NDFIP2: variants seen among roughly 807,000 people sequenced by gnomAD.
The protein encoded by NDFIP2 is NEDD4 family-interacting protein 2.
In NDFIP2, 19 loss-of-function variants were observed where a neutral mutation model predicts 36.0. The ratio of observed to expected loss-of-function variants is 0.53; its 90% CI spans 0.37 to 0.77. The LOEUF (loss-of-function observed/expected upper bound fraction) is 0.77, where lower values mean the gene tolerates loss of function less well. NDFIP2 is among the 30% of genes least tolerant of loss of function. The probability of loss-of-function intolerance (pLI) is 0.00; values close to 1 mark genes in which losing one functional copy is unlikely to be tolerated. For synonymous variants in NDFIP2, 181 were observed against 167.7 expected (o/e 1.08, Z -0.61); for missense variants, 446 against 435.8 (o/e 1.02, Z -0.21).
chr13:79,507,279 T>C (rs200893486), intron 1 of NDFIP2, among the ~76,000 whole-genome samples: 221 of 17,830 alleles, frequency 0.012, 10 homozygotes, highest in African/African-American at 0.034. Flanking sequence ...TTTTTTTTTT[T>C]TTTTTTTTTT....
Position 79,520,861 on chromosome 13 carries a change from A to C in NDFIP2, c.373A>C (p.Thr125Pro), listed in dbSNP as rs773586282. ...SESSAIEQPP[T>P]SNPAPQIVQA... is the part of the protein sequence containing the mutation. ...ATCATCGGCTATAGAGCAGCCACCT[A>C]CTTCAAACCCAGCACCGCAGATTGT... The change falls in exon 2 of 8, where the codon ACT becomes CCT. Residue 125 changes from threonine (T) to proline (P), a missense_variant. This residue lies in a region of NDFIP2 where 369 missense variants were observed against 304.8 expected (regional missense o/e 1.21). Coordinates refer to ENST00000218652, the MANE Select transcript of NDFIP2 (RefSeq NM_019080.3). 2 of 1,613,932 alleles carry C rather than the reference A, an allele frequency of 1.2e-6. No individual in the cohort carries two copies. Among genetic ancestry groups the C allele is most frequent in the Non-Finnish European group, 1.7e-6 (2 of 1,179,952 alleles).
chr13:79,490,817 C>T (rs534719837), intron 1 of NDFIP2, among the ~76,000 whole-genome samples: 2 of 152,284 alleles, frequency 1.3e-5, no homozygotes, highest in Admixed American at 6.5e-5. Flanking sequence ...TTTTGCATCC[C>T]TTACTTGCAC....
intron 1 of NDFIP2, among the ~76,000 whole-genome samples, chr13:79,509,676 G>GATATAT (rs755208266): frequency 1.4e-5 from 2 of 147,756 alleles, no homozygotes; most frequent in African/African-American, 5.1e-5. Context: ...GTATATTATC[G>GATATAT]ATATATATAT....
chr13:79,548,759 CTT>C (rs1009963596), intron 6 of NDFIP2, among the ~76,000 whole-genome samples: 25 of 152,042 alleles, frequency 1.6e-4, no homozygotes, highest in Middle Eastern at 6.8e-3. Context: ...TATCTGTTCT[CTT>C]ATTTTTTGAT....
In NDFIP2 at chr13:79,553,341, G is replaced by A. The variant is rs1288386168; in HGVS notation, c.*828G>A. On this transcript the variant is annotated 3_prime_UTR_variant, in exon 8 of 8. Transcript: ENST00000218652. ...AAATTTTATTTTAAGGGACATACTA[G>A]TTTTAGGGATTTTCAGATGGGAAGC... is the stretch of plus-strand genomic sequence containing the variant. 2.6e-5 allele frequency: 4 copies of A among 151,238 alleles called. No homozygotes were observed. The highest frequency in any genetic ancestry group is 5.9e-5 in the Non-Finnish European group (4 of 67,352). The allele number at this position is 151,238 out of a possible 1,614,324, so 9.4% of individuals were successfully genotyped here.
chr13:79,497,793 G>GTGTGT (rs1566655451), intron 1 of NDFIP2, among the ~76,000 whole-genome samples: 3,304 of 92,790 alleles, frequency 0.036, 52 homozygotes, highest in East Asian at 0.092. Flanking sequence ...TTATCTGTGG[G>GTGTGT]GGGTGTGTGT....
chr13:79,481,244 C>G lies in NDFIP2; in HGVS notation c.41C>G (p.Pro14Arg). 1 of 1,534,080 alleles carries G rather than the reference C, an allele frequency of 6.5e-7. No individual in the cohort carries two copies. Among genetic ancestry groups the G allele is most frequent in the Non-Finnish European group, 8.7e-7 (1 of 1,145,476 alleles). The change falls in exon 1 of 8, where the codon CCG becomes CGG. Residue 14 changes from proline to arginine, a missense_variant. Transcript: ENST00000218652. ...AGCCAGCGAGTCTGCGCGAGCGGTC[C>G]GAGCATGCTCAATAGCGCGCGCGGC... ...RRSQRVCASG[P>R]SMLNSARGAP...
At chr13:79,509,034 A>AT (rs147610374) in intron 1 of NDFIP2, among the ~76,000 whole-genome samples, 3,999 of 151,254 alleles carry the variant, frequency 0.026, 173 homozygotes, top group African/African-American at 0.092. Flanking sequence ...TAGAGTTAGC[A>AT]TTTTTTTTTA....
intron 1 of NDFIP2, among the ~76,000 whole-genome samples, chr13:79,503,748 A>AG (rs1873755148): frequency 6.6e-6 from 1 of 152,126 alleles, no homozygotes; most frequent in African/African-American, 2.4e-5. Context: ...TTTAAGGTTG[A>AG]GGGGATGATA....
intron 5 of NDFIP2, among the ~76,000 whole-genome samples, chr13:79,547,005 G>A (rs1875708185): frequency 1.3e-5 from 2 of 151,770 alleles, no homozygotes; most frequent in African/African-American, 2.4e-5. Flanking sequence ...TATGTTTTTA[G>A]TAGTACTTTG....
chr13:79,526,305 G>T (rs773186641), intron 2 of NDFIP2, among the ~76,000 whole-genome samples: 13 of 152,236 alleles, frequency 8.5e-5, no homozygotes, highest in Admixed American at 6.5e-4. Context: ...GAACTAAAGA[G>T]GATATATCAA....
Position 79,555,984 on chromosome 13 carries a change from G to A in NDFIP2, c.*3471G>A, listed in dbSNP as rs1282676184. The A allele has an allele frequency of 6.6e-6, 1 of 152,166 alleles. No individual in the cohort carries two copies. The allele number at this position is 152,166 out of a possible 1,614,324, so 9.4% of individuals were successfully genotyped here. On this transcript the variant is annotated 3_prime_UTR_variant, in exon 8 of 8. Transcript: ENST00000218652. ...ACAACACTTGTGAAATTAGGTTGGG[G>A]TTGCAACATCTTTTAACTTCTCAGT...
intron 5 of NDFIP2, among the ~76,000 whole-genome samples, chr13:79,545,743 G>GT (rs938647180): frequency 4.0e-5 from 6 of 151,792 alleles, no homozygotes; most frequent in Admixed American, 6.6e-5. Context: ...TCCCACAGTT[G>GT]TTTTTTTTGT....
chr13:79,501,869 G>A (rs1398125951), intron 1 of NDFIP2, among the ~76,000 whole-genome samples: 1 of 152,078 alleles, frequency 6.6e-6, no homozygotes. Flanking sequence ...TTCAGGCCTG[G>A]TCGTTACTGG....
At chr13:79,533,477 C>A (rs779970348) in intron 3 of NDFIP2, 21 bp downstream of exon 3, 2 of 1,574,172 alleles carry the variant, frequency 1.3e-6, no homozygotes, top group Admixed American at 4.0e-5. Context: ...TTCATCATTT[C>A]TTTTGATAAA....
At chr13:79,498,377 G>A (rs530661119) in intron 1 of NDFIP2, among the ~76,000 whole-genome samples, 26 of 151,968 alleles carry the variant, frequency 1.7e-4, no homozygotes, top group Middle Eastern at 6.8e-3. Flanking sequence ...CTTGAAAATG[G>A]TATTATTTAT....
intron 1 of NDFIP2, among the ~76,000 whole-genome samples, chr13:79,514,809 G>A (rs1874214421): frequency 6.6e-6 from 1 of 152,136 alleles, no homozygotes; most frequent in Admixed American, 6.5e-5. Flanking sequence ...CTTCTTGCCT[G>A]CTTAATTATC....
In NDFIP2 at chr13:79,488,364, G is replaced by A. The variant is rs181343779; in HGVS notation, c.321+6840G>A. Among the ~76,000 whole-genome samples, 195 of 151,930 alleles carry A rather than the reference G, an allele frequency of 1.3e-3. 2 individuals are homozygous for A. The highest frequency in any genetic ancestry group is 4.2e-3 in the African/African-American group (172 of 41,438). Reference sequence around the variant, plus strand: ...ATGTCTTGATATTAACTGTAAATACGTTATTTGGTTGAGTTTAGCTCATTA... The same window carrying A: ...ATGTCTTGATATTAACTGTAAATACATTATTTGGTTGAGTTTAGCTCATTA... On this transcript the variant is annotated intron_variant, in intron 1 of 7. Coordinates refer to ENST00000218652, the MANE Select transcript of NDFIP2 (RefSeq NM_019080.3).
At chr13:79,484,168 A>G (rs1231532895) in intron 1 of NDFIP2, among the ~76,000 whole-genome samples, 1 of 151,956 alleles carries the variant, frequency 6.6e-6, no homozygotes, top group Non-Finnish European at 1.5e-5. Flanking sequence ...AGTGTGGTGC[A>G]CCACACCTGG....
Sources: allele counts gnomAD v4.1 joint callset (sites outside exome capture counted in the v4.1 genomes callset), GRCh38; gene constraint gnomAD v4.1.1; regional missense constraint gnomAD v4.1.1; transcripts MANE v1.5; gene names NCBI Gene and HGNC (gene_info 2026-07-23, HGNC 2026-07-21).